Variants in COA1 observed in about 807,000 individuals in gnomAD.
The protein encoded by COA1 is cytochrome c oxidase assembly factor 1 homolog.
Under a neutral mutation model 16.0 loss-of-function variants are expected in COA1, and 13 were observed. The ratio of observed to expected loss-of-function variants is 0.81; its 90% CI spans 0.53 to 1.29. The LOEUF (loss-of-function observed/expected upper bound fraction) is 1.29, where lower values mean the gene tolerates loss of function less well. Ranked by LOEUF, COA1 falls within the 50% of genes most tolerant of loss-of-function variation. The pLI, the probability that COA1 is intolerant of heterozygous loss-of-function variation, is 0.00. For missense variants in COA1, 179 were observed against 177.0 expected (o/e 1.01, Z -0.06); for synonymous variants, 65 against 65.7 (o/e 0.99, Z 0.05).
At chr7:43,702,520 G>A (rs564063841) in intron 1 of COA1, among the ~76,000 whole-genome samples, 40 of 151,988 alleles carry the variant, frequency 2.6e-4, no homozygotes, top group Non-Finnish European at 4.4e-4. Flanking sequence ...GTTTGAAGTC[G>A]GATAATATGA....
intron 1 of COA1, among the ~76,000 whole-genome samples, chr7:43,718,266 T>C (rs1234674457): frequency 6.6e-6 from 1 of 152,234 alleles, no homozygotes; most frequent in African/African-American, 2.4e-5. Context: ...ATTTATAAGA[T>C]GGCAACAGCT....
chr7:43,674,065 G>A (rs1480890198), intron 1 of COA1, among the ~76,000 whole-genome samples: 1 of 152,120 alleles, frequency 6.6e-6, no homozygotes, highest in Non-Finnish European at 1.5e-5. Flanking sequence ...TATTACGTAG[G>A]TGGCAAAATA....
At chr7:43,647,332 T>C in intron 3 of COA1, 1 of 598,254 alleles carries the variant, frequency 1.7e-6, no homozygotes, top group South Asian at 2.1e-5. Flanking sequence ...CCTGGTCCTT[T>C]TATTTGTACT....
intron 6 of COA1, among the ~76,000 whole-genome samples, chr7:43,615,959 TC>T (rs2083302332): frequency 6.6e-6 from 1 of 152,140 alleles, no homozygotes; most frequent in African/African-American, 2.4e-5. Context: ...GCAACCACTC[TC>T]GCCCATCACC....
chr7:43,670,881 C>A (rs2093218798), intron 1 of COA1, among the ~76,000 whole-genome samples: 1 of 152,180 alleles, frequency 6.6e-6, no homozygotes, highest in Non-Finnish European at 1.5e-5. Context: ...GGATGTGTTT[C>A]ATAATCATTT....
chr7:43,728,843 C>T (rs2095676182), intron 1 of COA1, among the ~76,000 whole-genome samples: 1 of 152,146 alleles, frequency 6.6e-6, no homozygotes, highest in Non-Finnish European at 1.5e-5. Flanking sequence ...TCAGAATCTC[C>T]ATAGATTTTT....
chr7:43,648,834 T>A, intron 1 of COA1, 182 bp from the exon 2 acceptor site: 1 of 543,846 alleles, frequency 1.8e-6, no homozygotes, highest in Non-Finnish European at 3.2e-6. Flanking sequence ...GCTGCCAAAT[T>A]AGGAAGAAAA....
At chr7:43,637,335 C>G (rs1301581477), downstream of COA1, among the ~76,000 whole-genome samples, 1 of 152,182 alleles carries the variant, frequency 6.6e-6, no homozygotes, top group African/African-American at 2.4e-5. Flanking sequence ...TAGTAAAGCA[C>G]ATAGGAGTCA....
chr7:43,704,855 G>A (rs577775336), intron 1 of COA1, among the ~76,000 whole-genome samples: 4 of 152,272 alleles, frequency 2.6e-5, no homozygotes, highest in South Asian at 2.1e-4. Context: ...TAGTGCAGTC[G>A]TTTGGAGGTT....
chr7:43,678,988 T>C (rs1245819633), intron 1 of COA1, among the ~76,000 whole-genome samples: 1 of 152,048 alleles, frequency 6.6e-6, no homozygotes, highest in Non-Finnish European at 1.5e-5. Flanking sequence ...AATTTATAAG[T>C]ATCTTGAGGG....
intron 1 of COA1, among the ~76,000 whole-genome samples, chr7:43,696,679 A>T (rs369546008): frequency 2.0e-5 from 3 of 151,308 alleles, no homozygotes; most frequent in East Asian, 1.9e-4. Flanking sequence ...AAATAAAAAT[A>T]AAAATGTTGA....
chr7:43,678,003 C>A (rs1410042985), intron 1 of COA1, among the ~76,000 whole-genome samples: 3 of 152,000 alleles, frequency 2.0e-5, no homozygotes, highest in Non-Finnish European at 2.9e-5. Context: ...TAAAAACTAA[C>A]AACACTGACT....
At chr7:43,715,287 G>T (rs1163924272) in intron 1 of COA1, among the ~76,000 whole-genome samples, 2 of 151,874 alleles carry the variant, frequency 1.3e-5, no homozygotes, top group African/African-American at 4.8e-5. Context: ...TTAAGGGTAT[G>T]TTGCTTGGTG....
At chr7:43,722,140 G>A (rs1208726552) in intron 1 of COA1, among the ~76,000 whole-genome samples, 1 of 150,092 alleles carries the variant, frequency 6.7e-6, no homozygotes, top group African/African-American at 2.5e-5. Context: ...ACTCAGGCTG[G>A]AGTGCAGTGG....
At chr7:43,698,362 A>C (rs1384594562) in intron 1 of COA1, among the ~76,000 whole-genome samples, 2 of 152,172 alleles carry the variant, frequency 1.3e-5, no homozygotes, top group Non-Finnish European at 2.9e-5. Flanking sequence ...TAAATCTCAA[A>C]TGTGAAAACT....
intron 1 of COA1, among the ~76,000 whole-genome samples, chr7:43,683,448 C>T (rs748925828): frequency 2.0e-5 from 3 of 151,884 alleles, no homozygotes; most frequent in Admixed American, 6.6e-5. Flanking sequence ...CTGGCTAACA[C>T]GGTGAAACCT....
intron 6 of COA1, among the ~76,000 whole-genome samples, chr7:43,612,628 G>C (rs2082977942): frequency 6.6e-6 from 1 of 152,228 alleles, no homozygotes; most frequent in South Asian, 2.1e-4. Context: ...TCCTGTCCCT[G>C]TGACAGAAGT....
At chr7:43,696,734 G>A (rs145554817) in intron 1 of COA1, among the ~76,000 whole-genome samples, 179 of 152,184 alleles carry the variant, frequency 1.2e-3, no homozygotes, top group African/African-American at 4.2e-3. Context: ...TATAGACAGT[G>A]GTTATTTCTG....
chr7:43,624,752 A>G, intron 6 of COA1: 1 of 1,613,916 alleles, frequency 6.2e-7, no homozygotes, highest in Non-Finnish European at 8.5e-7. Context: ...GACAGTCTGA[A>G]AAAGAGAAAA....
Sources: allele counts gnomAD v4.1 joint callset (sites outside exome capture counted in the v4.1 genomes callset), GRCh38; gene constraint gnomAD v4.1.1; transcripts MANE v1.5; gene names NCBI Gene and HGNC (gene_info 2026-07-23, HGNC 2026-07-21).